The following SHLD2 variants were observed in gnomAD, a reference collection of about 807,000 sequenced individuals.
SHLD2 encodes RINN1-REV7-interacting novel NHEJ regulator 2.
A neutral mutation model predicts 73.2 loss-of-function variants in SHLD2; 30 were observed. The ratio of observed to expected loss-of-function variants is 0.41; its 90% CI spans 0.31 to 0.56. The LOEUF is 0.56. Among genes scored for constraint, SHLD2 ranks in the 20% least tolerant of loss-of-function variants. The pLI is 0.28. For missense variants in SHLD2, 745 were observed against 1,055.9 expected (o/e 0.71, Z 4.08); for synonymous variants, 285 against 370.1 (o/e 0.77, Z 2.64).
At chr10:87,102,227 A>C (rs887257866) in intron 2 of SHLD2, among the ~76,000 whole-genome samples, 8 of 151,910 alleles carry the variant, frequency 5.3e-5, no homozygotes, top group African/African-American at 1.9e-4. Flanking sequence ...ACAGTTCTCA[A>C]CTCTTTTGGT....
chr10:87,162,413 G>A (rs532594673), intron 4 of SHLD2, among the ~76,000 whole-genome samples: 1 of 152,174 alleles, frequency 6.6e-6, no homozygotes, highest in African/African-American at 2.4e-5. Context: ...AGTGACAAAG[G>A]CTGGGTGTGG....
intron 2 of SHLD2, among the ~76,000 whole-genome samples, chr10:87,111,640 CAAA>C (rs972282870): frequency 3.0e-5 from 2 of 66,880 alleles, no homozygotes; most frequent in African/African-American, 6.1e-5. Context: ...GAGTCTGTCT[CAAA>C]AAAAAAAAAA....
At chr10:87,144,575 CTAT>C in intron 2 of SHLD2, among the ~76,000 whole-genome samples, 2 of 122,644 alleles carry the variant, frequency 1.6e-5, no homozygotes, top group Admixed American at 8.3e-5. Flanking sequence ...TGGACATTTT[CTAT>C]TATTTTAAAG....
chr10:87,143,095 A>AT (rs1185074057), intron 2 of SHLD2, among the ~76,000 whole-genome samples: 119 of 147,620 alleles, frequency 8.1e-4, no homozygotes, highest in Middle Eastern at 3.4e-3. Context: ...CTACCCAGCA[A>AT]TTTTTTTTTT....
intron 2 of SHLD2, among the ~76,000 whole-genome samples, chr10:87,100,479 G>GTT (rs140323729): frequency 6.4e-4 from 89 of 138,648 alleles, no homozygotes; most frequent in Admixed American, 6.6e-4. Context: ...GATTACGCCA[G>GTT]TTTTTTTTTT....
intron 9 of SHLD2, among the ~76,000 whole-genome samples, chr10:87,187,939 A>G (rs1848718979): frequency 6.6e-6 from 1 of 152,190 alleles, no homozygotes; most frequent in African/African-American, 2.4e-5. Context: ...TCAGGTCACC[A>G]CTGGTTTCAA....
chr10:87,119,627 G>A (rs7089576), intron 2 of SHLD2, among the ~76,000 whole-genome samples: 53,753 of 151,776 alleles, frequency 0.35, 10,058 homozygotes, highest in African/African-American at 0.46. Flanking sequence ...AGCCATGGTG[G>A]CGCGCACCTG....
Position 87,180,141 on chromosome 10 carries a change from C to G in SHLD2, c.2237C>G (p.Ala746Gly). 6.2e-7 allele frequency: 1 copy of G among 1,613,846 alleles called. No homozygotes were observed. Among genetic ancestry groups the G allele is most frequent in the Non-Finnish European group, 8.5e-7 (1 of 1,179,832 alleles). Residue 746 changes from alanine (A) to glycine (G), a missense_variant, in exon 8 of 10, where the codon GCG becomes GGG. Coordinates refer to ENST00000298786, the MANE Select transcript of SHLD2 (RefSeq NM_001330112.2). ...CCTATTACAGCATCTCAGAAGATAG[C>G]GCTAAATGCTCACAGTTCTCTGAAG... Reference protein sequence around the residue: ...AFPITASQKIALNAHSSLKSI... With the variant: ...AFPITASQKIGLNAHSSLKSI...
At chr10:87,144,897 A>C (rs1589550948) in intron 2 of SHLD2, among the ~76,000 whole-genome samples, 1 of 136,034 alleles carries the variant, frequency 7.4e-6, no homozygotes, top group Admixed American at 7.6e-5. Flanking sequence ...AAGTGCTGGG[A>C]TTGATTACAG....
At chr10:87,152,903 T>C (rs540995063) in intron 3 of SHLD2, 24 bp downstream of exon 3, 3 of 1,577,674 alleles carry the variant, frequency 1.9e-6, no homozygotes, top group Admixed American at 1.9e-5. Flanking sequence ...GGTATAGTGG[T>C]AGCTTATTTT....
chr10:87,129,656 T>C (rs1351243614), intron 2 of SHLD2, among the ~76,000 whole-genome samples: 5 of 151,906 alleles, frequency 3.3e-5, no homozygotes, highest in African/African-American at 1.2e-4. Flanking sequence ...GGATGGAGTA[T>C]CTACTCTTTT....
At chr10:87,139,040 C>T (rs1844998595) in intron 2 of SHLD2, among the ~76,000 whole-genome samples, 1 of 152,216 alleles carries the variant, frequency 6.6e-6, no homozygotes, top group South Asian at 2.1e-4. Flanking sequence ...TTTGATTGGA[C>T]ACTCATCTGC....
At chr10:87,148,226 T>G (rs1281682914) in intron 2 of SHLD2, among the ~76,000 whole-genome samples, 1 of 152,238 alleles carries the variant, frequency 6.6e-6, no homozygotes, top group South Asian at 2.1e-4. Context: ...TATTATTGTT[T>G]TGAATTCCCA....
At chr10:87,126,300 G>C (rs929009891) in intron 2 of SHLD2, among the ~76,000 whole-genome samples, 5 of 152,112 alleles carry the variant, frequency 3.3e-5, no homozygotes, top group Non-Finnish European at 7.4e-5. Flanking sequence ...GGCTGGTTTC[G>C]AACTCCTAGG....
intron 1 of SHLD2, among the ~76,000 whole-genome samples, chr10:87,095,790 G>A (rs974692658): frequency 6.6e-6 from 1 of 152,220 alleles, no homozygotes; most frequent in African/African-American, 2.4e-5. Flanking sequence ...CTCCGGCCCG[G>A]CGCGGTGGCT....
intron 8 of SHLD2, among the ~76,000 whole-genome samples, chr10:87,184,479 C>T (rs2134738145): frequency 6.6e-6 from 1 of 152,112 alleles, no homozygotes; most frequent in Admixed American, 6.5e-5. Context: ...ATCACTCAGG[C>T]CTCATCTGAG....
intron 2 of SHLD2, among the ~76,000 whole-genome samples, chr10:87,130,440 G>T (rs896963147): frequency 2.4e-4 from 36 of 151,526 alleles, no homozygotes; most frequent in Admixed American, 1.3e-4. Flanking sequence ...GCACCAATGT[G>T]CTTTATGTTT....
rs562956269 is a variant in SHLD2, at chr10:87,158,081, A to C, written c.1559A>C (p.Glu520Ala). ...ATTCATGAGGACCAATGGATTGGCG[A>C]GACAGTACTACAATCAACATTTAGC... Reference protein sequence around the residue: ...VVIHEDQWIGETVLQSTFSSQ... With the variant: ...VVIHEDQWIGATVLQSTFSSQ... Residue 520 changes from glutamate (E) to alanine (A), a missense_variant, in exon 4 of 10, where the codon GAG (glutamate) becomes GCG (alanine). Glu to Ala is a moderately radical substitution (Grantham distance 107). Transcript: ENST00000298786. 1.2e-6 allele frequency: 2 copies of C among 1,611,546 alleles called. No homozygotes were observed. Among genetic ancestry groups the C allele is most frequent in the South Asian group, 2.2e-5 (2 of 90,962 alleles).
chr10:87,179,806 T>C (rs1564614402), intron 7 of SHLD2, among the ~76,000 whole-genome samples: 1 of 152,148 alleles, frequency 6.6e-6, no homozygotes, highest in Non-Finnish European at 1.5e-5. Context: ...AAAGGAGGTA[T>C]TGAACTTATT....
Sources: gnomAD v4.1 joint callset for allele counts (sites outside exome capture counted in the v4.1 genomes callset) on GRCh38, gnomAD v4.1.1 for gene constraint, MANE v1.5 for transcripts, NCBI Gene and HGNC (gene_info 2026-07-23, HGNC 2026-07-21) for gene names.